CIMAP3: variants seen among roughly 807,000 people sequenced by gnomAD.
The protein encoded by CIMAP3 is ciliary microtubule associated protein 3.
the CIMAP3 span, among the ~76,000 whole-genome samples, chr1:111,330,123 T>C: frequency 6.6e-6 from 1 of 152,348 alleles, no homozygotes; most frequent in South Asian, 2.1e-4. Flanking sequence ...GATTGGGTTT[T>C]GCTATCCTCC....
At chr1:111,338,296 C>A in the CIMAP3 span, among the ~76,000 whole-genome samples, 1 of 151,642 alleles carries the variant, frequency 6.6e-6, no homozygotes, top group South Asian at 2.1e-4. Context: ...ACTAGAAAAG[C>A]AAGAGCAAAC....
chr1:111,333,111 G>A, the CIMAP3 span, among the ~76,000 whole-genome samples: 1 of 152,226 alleles, frequency 6.6e-6, no homozygotes, highest in African/African-American at 2.4e-5. Context: ...AGGCTTGAGA[G>A]TCTCTCCTGT....
chr1:111,350,128 A>G, the CIMAP3 span: 1 of 1,613,990 alleles, frequency 6.2e-7, no homozygotes, highest in Non-Finnish European at 8.5e-7. Context: ...CAACCCAGAG[A>G]AGAAGCCACC....
the CIMAP3 span, chr1:111,346,864 G>C: frequency 6.2e-7 from 1 of 1,604,600 alleles, no homozygotes; most frequent in Non-Finnish European, 8.5e-7. Flanking sequence ...CGCTCACGTA[G>C]ACCCAGGTGC....
the CIMAP3 span, chr1:111,346,496 G>A: frequency 6.3e-6 from 7 of 1,108,818 alleles, no homozygotes; most frequent in African/African-American, 1.1e-4. Context: ...CAAGGTGCGG[G>A]TTCCTGCCCC....
the CIMAP3 span, among the ~76,000 whole-genome samples, chr1:111,345,213 A>T: frequency 2.0e-5 from 3 of 152,224 alleles, no homozygotes; most frequent in African/African-American, 7.2e-5. Flanking sequence ...ATTTACTATC[A>T]GTATTATTGC....
the CIMAP3 span, chr1:111,348,971 G>T: frequency 2.0e-5 from 4 of 195,306 alleles, no homozygotes; most frequent in African/African-American, 9.5e-5. Context: ...AAATACACAA[G>T]AAAATATCAA....
At chr1:111,351,538 G>T in the CIMAP3 span, 1 of 388,480 alleles carries the variant, frequency 2.6e-6, no homozygotes, top group Non-Finnish European at 4.6e-6. Flanking sequence ...ACACGTGCAT[G>T]TCTGGGTCTG....
the CIMAP3 span, among the ~76,000 whole-genome samples, chr1:111,342,042 G>A: frequency 6.6e-6 from 1 of 152,054 alleles, no homozygotes; most frequent in African/African-American, 2.4e-5. Context: ...TCCGAAACTT[G>A]AGAACGATAT....
chr1:111,334,709 T>A, the CIMAP3 span, among the ~76,000 whole-genome samples: 3 of 152,360 alleles, frequency 2.0e-5, no homozygotes, highest in Non-Finnish European at 4.4e-5. Context: ...ATGATAATTT[T>A]TAAAAATTTT....
the CIMAP3 span, among the ~76,000 whole-genome samples, chr1:111,328,058 C>T: frequency 6.6e-6 from 1 of 152,146 alleles, no homozygotes; most frequent in Non-Finnish European, 1.5e-5. Flanking sequence ...TCTTTGTTCT[C>T]ATTATTTTCA....
the CIMAP3 span, chr1:111,347,822 CAGGA>C: frequency 1.2e-5 from 17 of 1,366,194 alleles, no homozygotes; most frequent in Non-Finnish European, 1.6e-5. Context: ...TGCATTTGCA[CAGGA>C]GTGCAAAGGG....
At chr1:111,347,178 G>T in the CIMAP3 span, 1 of 1,104,462 alleles carries the variant, frequency 9.1e-7, no homozygotes, top group Admixed American at 2.8e-5. Flanking sequence ...ATAAGAAAGC[G>T]CTCTGTTCTT....
chr1:111,347,618 C>CTTTTTTTTTTTTTTTTTTTTTGT, the CIMAP3 span: 3 of 928,432 alleles, frequency 3.2e-6, 1 homozygote, highest in South Asian at 1.9e-5. Context: ...GTTGTTTTTT[C>CTTTTTTTTTTTTTTTTTTTTTGT]TTTCTTTTTT....
At chr1:111,351,903 A>G in the CIMAP3 span, 1 of 152,412 alleles carries the variant, frequency 6.6e-6, no homozygotes, top group East Asian at 1.9e-4. Flanking sequence ...GTCAACATAT[A>G]TACTGAGGTC....
chr1:111,347,622 CT>C, the CIMAP3 span: 60,078 of 782,622 alleles, frequency 0.077, no homozygotes, highest in Admixed American at 0.11. Context: ...TTTTTTCTTT[CT>C]TTTTTTTTTT....
At chr1:111,340,751 T>G in the CIMAP3 span, among the ~76,000 whole-genome samples, 1 of 152,106 alleles carries the variant, frequency 6.6e-6, no homozygotes, top group African/African-American at 2.4e-5. Flanking sequence ...ACTTTTACAC[T>G]GTTGGTGGGA....
the CIMAP3 span, chr1:111,348,442 T>A: frequency 7.3e-7 from 1 of 1,369,990 alleles, no homozygotes; most frequent in Non-Finnish European, 9.7e-7. Context: ...ATTCTGTTTT[T>A]TCTACCTGGA....
the CIMAP3 span, among the ~76,000 whole-genome samples, chr1:111,331,709 A>G: frequency 1.3e-5 from 2 of 149,978 alleles, no homozygotes; most frequent in Admixed American, 6.6e-5. Flanking sequence ...TTTCCTTGTG[A>G]TTGGGGTCTT....
Sources: allele counts gnomAD v4.1 joint callset (sites outside exome capture counted in the v4.1 genomes callset), GRCh38; gene constraint gnomAD v4.1.1; transcripts MANE v1.5; gene names NCBI Gene and HGNC (gene_info 2026-07-23, HGNC 2026-07-21).